The following RANBP2 variants were observed in gnomAD, a reference collection of about 807,000 sequenced individuals.
RANBP2 encodes the protein RAN binding protein 2.
RANBP2 carries 57 observed loss-of-function variants against 303.6 expected under a neutral mutation model. That is an observed-to-expected ratio of 0.19 (90% CI 0.15 to 0.23). The LOEUF is 0.23. Among genes scored for constraint, RANBP2 ranks in the 10% least tolerant of loss-of-function variants. The probability of loss-of-function intolerance (pLI) is 1.00; values close to 1 mark genes in which losing one functional copy is unlikely to be tolerated. For missense variants in RANBP2, 3,138 were observed against 3,780.8 expected, an observed-to-expected ratio of 0.83 and a Z score of 4.46; for synonymous variants, 1,167 against 1,301.5, an observed-to-expected ratio of 0.90 and a Z score of 2.23.
chr2:109,249,467 C>CCCTT, the RANBP2 span, among the ~76,000 whole-genome samples: 1 of 99,290 alleles, frequency 1.0e-5, no homozygotes, highest in Non-Finnish European at 2.0e-5. Flanking sequence ...TTCTCTCTTT[C>CCCTT]TCTTTCTTTC....
At chr2:109,668,755 T>C in the RANBP2 span, among the ~76,000 whole-genome samples, 2 of 152,102 alleles carry the variant, frequency 1.3e-5, no homozygotes, top group Non-Finnish European at 2.9e-5. Flanking sequence ...ATATTGAAAA[T>C]AAATGTCAAA....
At chr2:109,179,716 T>C in the RANBP2 span, among the ~76,000 whole-genome samples, 2 of 152,158 alleles carry the variant, frequency 1.3e-5, no homozygotes, top group Non-Finnish European at 2.9e-5. Flanking sequence ...CCTACCCTGA[T>C]GGCTTTATCT....
chr2:109,436,458 C>G, the RANBP2 span, among the ~76,000 whole-genome samples: 3 of 152,176 alleles, frequency 2.0e-5, no homozygotes, highest in Non-Finnish European at 4.4e-5. Context: ...CCAGCAGATG[C>G]GAGGTGGCAG....
the RANBP2 span, among the ~76,000 whole-genome samples, chr2:109,537,720 C>A: frequency 1.3e-5 from 2 of 151,878 alleles, no homozygotes; most frequent in Non-Finnish European, 2.9e-5. Context: ...CTGGGGCGGG[C>A]GGACTGCTTG....
At chr2:109,262,410 C>T in the RANBP2 span, among the ~76,000 whole-genome samples, 5 of 151,964 alleles carry the variant, frequency 3.3e-5, no homozygotes, top group South Asian at 1.0e-3. Context: ...TCAAACTCTG[C>T]TTTCGATGCC....
At chr2:109,121,837 C>T in the RANBP2 span, among the ~76,000 whole-genome samples, 2 of 152,206 alleles carry the variant, frequency 1.3e-5, no homozygotes, top group African/African-American at 4.8e-5. Flanking sequence ...GACATCTGTA[C>T]CTCCCTGCCT....
the RANBP2 span, among the ~76,000 whole-genome samples, chr2:108,872,991 C>G: frequency 6.6e-6 from 1 of 152,036 alleles, no homozygotes; most frequent in South Asian, 2.1e-4. Context: ...CTTTTATGCT[C>G]CAAAGGTTCT....
the RANBP2 span, chr2:109,129,950 C>T: frequency 3.1e-5 from 46 of 1,467,774 alleles, no homozygotes; most frequent in Admixed American, 6.9e-5. Context: ...AGCCCGCCCG[C>T]GCGTCCCATC....
Position 108,782,631 on chromosome 2 carries a change from A to T in RANBP2, c.9138A>T (p.Lys3046Asn). 6.2e-7 allele frequency: 1 copy of T among 1,614,114 alleles called. No homozygotes were observed. Among genetic ancestry groups the T allele is most frequent in the Non-Finnish European group, 8.5e-7 (1 of 1,180,020 alleles). The change falls in exon 28 of 29, where the codon AAA (lysine) becomes AAT (asparagine). Residue 3046 changes from lysine (K) to asparagine (N), a missense_variant. Physicochemically the swap from Lys to Asn is moderately conservative, Grantham distance 94. Coordinates refer to ENST00000283195, the MANE Select transcript of RANBP2 (RefSeq NM_006267.5). Reference protein sequence around the residue: ...TFEECQQNLMKLQKGHVSLAA... With the variant: ...TFEECQQNLMNLQKGHVSLAA... ...AAGAATGTCAGCAGAATTTAATGAAACTCCAGAAAGGACATGTATCACTGG... is the reference window on the plus strand; with the variant it reads ...AAGAATGTCAGCAGAATTTAATGAATCTCCAGAAAGGACATGTATCACTGG...
At chr2:108,796,376 G>C in the RANBP2 span, among the ~76,000 whole-genome samples, 1 of 152,132 alleles carries the variant, frequency 6.6e-6, no homozygotes, top group Non-Finnish European at 1.5e-5. Context: ...AGTTTAATCT[G>C]ACTTTAAAAT....
At chr2:109,175,721 A>G in the RANBP2 span, among the ~76,000 whole-genome samples, 1 of 152,250 alleles carries the variant, frequency 6.6e-6, no homozygotes, top group African/African-American at 2.4e-5. Flanking sequence ...TAGAGTGTAC[A>G]TAAAAATGAA....
chr2:109,122,181 C>T, the RANBP2 span, among the ~76,000 whole-genome samples: 1 of 152,136 alleles, frequency 6.6e-6, no homozygotes, highest in East Asian at 1.9e-4. Flanking sequence ...AGTGAGTGCC[C>T]ATTATTTGCT....
chr2:108,856,213 G>C, the RANBP2 span, among the ~76,000 whole-genome samples: 1 of 152,190 alleles, frequency 6.6e-6, no homozygotes, highest in Admixed American at 6.5e-5. Context: ...AGTTGTCACA[G>C]CACTGGCCTG....
chr2:109,408,793 G>A, the RANBP2 span, among the ~76,000 whole-genome samples: 1 of 152,240 alleles, frequency 6.6e-6, no homozygotes, highest in African/African-American at 2.4e-5. Context: ...GTTGGATGTG[G>A]ATGAATATTG....
chr2:109,280,099 T>C, the RANBP2 span, among the ~76,000 whole-genome samples: 1 of 152,160 alleles, frequency 6.6e-6, no homozygotes, highest in African/African-American at 2.4e-5. Context: ...AGAGTTCTTT[T>C]TTTCTGCATG....
the RANBP2 span, among the ~76,000 whole-genome samples, chr2:109,219,899 G>A: frequency 1.3e-5 from 2 of 152,124 alleles, no homozygotes; most frequent in African/African-American, 2.4e-5. Flanking sequence ...CCCCAATGGC[G>A]TTTTTTAGAG....
At chr2:109,340,841 T>A in the RANBP2 span, among the ~76,000 whole-genome samples, 1 of 152,066 alleles carries the variant, frequency 6.6e-6, no homozygotes, top group East Asian at 1.9e-4. Flanking sequence ...ACAGATGACC[T>A]AACCGCTGCT....
chr2:108,850,770 C>T, the RANBP2 span, among the ~76,000 whole-genome samples: 6 of 152,226 alleles, frequency 3.9e-5, no homozygotes, highest in South Asian at 4.1e-4. Flanking sequence ...GTTTTGACAC[C>T]ACAGTGCTGT....
the RANBP2 span, among the ~76,000 whole-genome samples, chr2:108,832,107 T>G: frequency 0.92 from 139,463 of 151,774 alleles, 64,109 homozygotes; most frequent in East Asian, 1. Context: ...TCAGCTCCCT[T>G]CAACCTCCGC....
Sources: gnomAD v4.1 joint callset for allele counts (sites outside exome capture counted in the v4.1 genomes callset) on GRCh38, gnomAD v4.1.1 for gene constraint, MANE v1.5 for transcripts, NCBI Gene and HGNC (gene_info 2026-07-23, HGNC 2026-07-21) for gene names.